GAPVD1: variants seen among roughly 807,000 people sequenced by gnomAD.
GAPVD1 encodes the protein GTPase activating protein and VPS9 domains 1, also known as GTPase-activating protein and VPS9 domain-containing protein 1.
In GAPVD1, 35 loss-of-function variants were observed where a neutral mutation model predicts 155.5. That is an observed-to-expected ratio of 0.23 (90% CI 0.17 to 0.30). GAPVD1 has a LOEUF of 0.30. GAPVD1 is among the 10% of genes least tolerant of loss of function. The probability of loss-of-function intolerance (pLI) is 1.00; values close to 1 mark genes in which losing one functional copy is unlikely to be tolerated. For synonymous variants in GAPVD1, 636 were observed against 619.7 expected (o/e 1.03, Z -0.39); for missense variants, 1,429 against 1,775.7 (o/e 0.80, Z 3.51).
chr9:125,300,039 ATATAT>A lies in GAPVD1; in HGVS notation c.185+934_185+938del, dbSNP rs1840578604. 9.2e-4 allele frequency among the ~76,000 whole-genome samples: 14 copies of A among 15,146 alleles called. 1 individual carries two copies. The highest frequency in any genetic ancestry group is 1.9e-3 in the African/African-American group (6 of 3,092). The allele number at this position is 15,146 out of a possible 152,430, so 9.9% of individuals were successfully genotyped here. ...GTCTCAAAAGAAAAAAAAAAAAAAA[ATATAT>A]ATATATATATATATATATATATATA... On this transcript the variant is annotated intron_variant, in intron 4 of 27. Coordinates refer to ENST00000297933, the MANE Select transcript of GAPVD1 (RefSeq NM_001282680.3).
At chr9:125,333,940 G>A (rs1159882025) in intron 15 of GAPVD1, among the ~76,000 whole-genome samples, 1 of 152,136 alleles carries the variant, frequency 6.6e-6, no homozygotes, top group African/African-American at 2.4e-5. Context: ...CCTACCAGTA[G>A]TATATGCCCT....
chr9:125,302,496 A>C lies in GAPVD1; in HGVS notation c.699A>C (p.Lys233Asn). 6.2e-7 allele frequency: 1 copy of C among 1,613,714 alleles called. No individual in the cohort carries two copies. Among genetic ancestry groups the C allele is most frequent in the Non-Finnish European group, 8.5e-7 (1 of 1,179,962 alleles). ...IERFSPSQQE[K>N]LFGEKGSDRF... ...GGTTCTCTCCATCTCAGCAGGAAAA[A>C]CTCTTTGGAGAGAAGGGCTCAGATA... is the stretch of plus-strand genomic sequence containing the variant. The change falls in exon 5 of 28, where the codon AAA becomes AAC. Residue 233 changes from lysine (K) to asparagine (N), a missense_variant. Physicochemically the swap from Lys to Asn is moderately conservative, Grantham distance 94. Around this residue, in one of 4 missense-constraint regions of GAPVD1, gnomAD observed 628 missense variants for 733.4 expected, o/e 0.86. Coordinates refer to ENST00000297933, the MANE Select transcript of GAPVD1 (RefSeq NM_001282680.3).
At chr9:125,332,676 G>C (rs1166720913) in intron 15 of GAPVD1, 47 bp downstream of exon 15, 2 of 1,549,070 alleles carry the variant, frequency 1.3e-6, no homozygotes, top group Non-Finnish European at 1.8e-6. Context: ...CACATCCGTG[G>C]TTGAAACTGG....
intron 18 of GAPVD1, chr9:125,341,942 GT>G: frequency 4.0e-6 from 1 of 247,034 alleles, no homozygotes. Flanking sequence ...TTTTGAATGT[GT>G]TTTTGAGCAG....
At chr9:125,344,588 A>G (rs1157227227) in intron 19 of GAPVD1, among the ~76,000 whole-genome samples, 2 of 152,164 alleles carry the variant, frequency 1.3e-5, no homozygotes, top group East Asian at 3.8e-4. Context: ...TGTGGCTCTC[A>G]CTGTGTTTGG....
intron 27 of GAPVD1, 101 bp from the exon 28 acceptor site, chr9:125,362,505 G>A (rs1444293123): frequency 1.1e-6 from 1 of 936,628 alleles, no homozygotes; most frequent in Non-Finnish European, 1.6e-6. Context: ...CAAAAGGATT[G>A]GTATGTCTTT....
chr9:125,316,873 TC>T (rs773076265), intron 9 of GAPVD1, among the ~76,000 whole-genome samples: 9 of 152,214 alleles, frequency 5.9e-5, no homozygotes, highest in Non-Finnish European at 1.2e-4. Flanking sequence ...GTGAAAGTGT[TC>T]CTGTTTCTCC....
At chr9:125,304,785 T>C (rs1382487293) in intron 5 of GAPVD1, among the ~76,000 whole-genome samples, 1 of 152,186 alleles carries the variant, frequency 6.6e-6, no homozygotes, top group Non-Finnish European at 1.5e-5. Context: ...CAGAAACAAA[T>C]GTATTGTGCT....
chr9:125,353,705 CT>C (rs926665471), intron 23 of GAPVD1, among the ~76,000 whole-genome samples: 3 of 152,146 alleles, frequency 2.0e-5, no homozygotes, highest in African/African-American at 7.2e-5. Flanking sequence ...GAGAAGAGAG[CT>C]TGTGCAGGGA....
rs148300072 is a variant in GAPVD1, at chr9:125,350,490, A to G, written c.3409+86A>G. Reference sequence around the variant, plus strand: ...GCCAGTATTCAGCTGTTGAAGCTGTACAGCAATTCCATATGGTTCAACTTA... The same window carrying G: ...GCCAGTATTCAGCTGTTGAAGCTGTGCAGCAATTCCATATGGTTCAACTTA... On this transcript the variant is annotated intron_variant, in intron 22 of 27. Coordinates refer to ENST00000297933, the MANE Select transcript of GAPVD1 (RefSeq NM_001282680.3). 4.2e-5 allele frequency: 37 copies of G among 880,668 alleles called. No individual in the cohort carries two copies. In the East Asian group the frequency reaches 8.9e-4, roughly 21 times the overall value. The allele number at this position is 880,668 out of a possible 1,614,324, so 54.6% of individuals were successfully genotyped here.
intron 12 of GAPVD1, among the ~76,000 whole-genome samples, 173 bp from the exon 13 acceptor site, chr9:125,329,905 C>T (rs1439705177): frequency 6.6e-6 from 1 of 152,172 alleles, no homozygotes. Context: ...TGGTGTTGAA[C>T]TCCTGGCCTC....
At chr9:125,283,554 G>C (rs1837150148) in intron 2 of GAPVD1, among the ~76,000 whole-genome samples, 1 of 151,878 alleles carries the variant, frequency 6.6e-6, no homozygotes, top group African/African-American at 2.4e-5. Flanking sequence ...GTAGAGATGG[G>C]GTCTCCCTGT....
intron 2 of GAPVD1, among the ~76,000 whole-genome samples, chr9:125,271,299 T>C (rs569978666): frequency 1.3e-5 from 2 of 152,158 alleles, no homozygotes; most frequent in South Asian, 4.2e-4. Context: ...CGCTGGAGAC[T>C]AGTAGAAAGC....
At chr9:125,345,160 C>A (rs1374444287) in intron 19 of GAPVD1, among the ~76,000 whole-genome samples, 1 of 151,056 alleles carries the variant, frequency 6.6e-6, no homozygotes, top group Non-Finnish European at 1.5e-5. Flanking sequence ...GTAGTGTTTT[C>A]TTTTTCTTTT....
chr9:125,284,479 C>CT (rs113448662), intron 2 of GAPVD1, among the ~76,000 whole-genome samples: 231 of 144,758 alleles, frequency 1.6e-3, no homozygotes, highest in Non-Finnish European at 1.6e-3. Flanking sequence ...CGCCTGGCAA[C>CT]TTTTTTTTTT....
intron 23 of GAPVD1, among the ~76,000 whole-genome samples, chr9:125,354,371 T>G (rs986495744): frequency 6.6e-6 from 1 of 152,176 alleles, no homozygotes; most frequent in African/African-American, 2.4e-5. Context: ...AGGGGCTTAG[T>G]AACATTTAGT....
chr9:125,304,571 T>G (rs1307092924), intron 5 of GAPVD1, among the ~76,000 whole-genome samples: 4 of 152,248 alleles, frequency 2.6e-5, no homozygotes, highest in Non-Finnish European at 5.9e-5. Flanking sequence ...AGTAAGGTAC[T>G]TGTTCTATGA....
At chr9:125,332,486 A>G (rs201951306) in intron 14 of GAPVD1, 24 bp from the exon 15 acceptor site, 9 of 1,542,232 alleles carry the variant, frequency 5.8e-6, no homozygotes, top group Non-Finnish European at 7.0e-6. Context: ...CTTCCTGTTT[A>G]TTTTTTACTA....
At chr9:125,319,601 C>CTT (rs777202943) in intron 9 of GAPVD1, among the ~76,000 whole-genome samples, 28 of 121,490 alleles carry the variant, frequency 2.3e-4, no homozygotes, top group Admixed American at 4.3e-4. Context: ...GAAAAAAAAA[C>CTT]TTTTTTTTTT....
Sources: gnomAD v4.1 joint callset for allele counts (sites outside exome capture counted in the v4.1 genomes callset) on GRCh38, gnomAD v4.1.1 for gene constraint, gnomAD v4.1.1 regional missense constraint, MANE v1.5 for transcripts, NCBI Gene and HGNC (gene_info 2026-07-23, HGNC 2026-07-21) for gene names.